GABRA3: variants seen among roughly 807,000 people sequenced by gnomAD.
GABRA3 encodes the protein gamma-aminobutyric acid type A receptor subunit alpha3.
GABRA3 carries 10 observed loss-of-function variants against 30.1 expected under a neutral mutation model. That is an observed-to-expected ratio of 0.33 (90% confidence interval 0.20 to 0.56). GABRA3 has a LOEUF of 0.56. Among genes scored for constraint, GABRA3 ranks in the 20% least tolerant of loss-of-function variants. The pLI, the probability that GABRA3 is intolerant of heterozygous loss-of-function variation, is 0.89. For missense variants in GABRA3, 233 were observed against 392.0 expected, an observed-to-expected ratio of 0.59 and a Z score of 3.42; for synonymous variants, 151 against 146.8, an observed-to-expected ratio of 1.03 and a Z score of -0.21.
chrX:152,405,668 C>T (rs944205232), intron 1 of GABRA3, among the ~76,000 whole-genome samples: 7 of 111,417 alleles, frequency 6.3e-5, no homozygotes, highest in South Asian at 3.8e-4. Context: ...ATTCCTGAGG[C>T]GCCTAATTCC....
At chrX:152,233,926 C>A (rs1472289271) in intron 5 of GABRA3, among the ~76,000 whole-genome samples, 5 of 106,248 alleles carry the variant, frequency 4.7e-5, no homozygotes, top group African/African-American at 6.9e-5. Context: ...AATCATCATT[C>A]TCAGTAAACT....
At chrX:152,399,931 T>A (rs1468844281) in intron 1 of GABRA3, among the ~76,000 whole-genome samples, 1 of 110,979 alleles carries the variant, frequency 9.0e-6, no homozygotes, top group Admixed American at 9.6e-5. Context: ...AAAGACATCA[T>A]CAGACAGACA....
intron 6 of GABRA3, among the ~76,000 whole-genome samples, chrX:152,209,420 G>A (rs912766669): frequency 9.0e-6 from 1 of 111,466 alleles, no homozygotes; most frequent in Non-Finnish European, 1.9e-5. Context: ...CTCATAAAGG[G>A]AAGCTGACCG....
chrX:152,313,356 G>T (rs531493811), intron 3 of GABRA3, among the ~76,000 whole-genome samples: 10 of 111,217 alleles, frequency 9.0e-5, no homozygotes, highest in African/African-American at 3.3e-4. Context: ...AGTTTTCTTT[G>T]CATCTTGTTG....
intron 5 of GABRA3, among the ~76,000 whole-genome samples, chrX:152,255,225 C>T (rs1451077986): frequency 4.5e-5 from 5 of 111,525 alleles, no homozygotes; most frequent in Non-Finnish European, 9.4e-5. Flanking sequence ...TTATCATCCT[C>T]AGTATCCTAA....
chrX:152,278,267 AC>A (rs1939127672), intron 4 of GABRA3, among the ~76,000 whole-genome samples: 1 of 68,123 alleles, frequency 1.5e-5, no homozygotes, highest in African/African-American at 5.6e-5. Context: ...TCTTCCCCCC[AC>A]CCCACAACAG....
intron 3 of GABRA3, among the ~76,000 whole-genome samples, chrX:152,301,700 A>AT (rs1939634399): frequency 9.1e-6 from 1 of 110,060 alleles, no homozygotes; most frequent in Non-Finnish European, 1.9e-5. Context: ...TGCCTGGCTA[A>AT]TTTTTTGCAT....
intron 5 of GABRA3, among the ~76,000 whole-genome samples, chrX:152,240,191 T>C (rs186071919): frequency 0.058 from 6,118 of 105,002 alleles, 196 homozygotes; most frequent in Non-Finnish European, 0.086. Context: ...GCAGGCCTGG[T>C]GGTGACAAAA....
intron 4 of GABRA3, among the ~76,000 whole-genome samples, chrX:152,271,013 C>G (rs7890680): frequency 0.08 from 8,542 of 106,317 alleles, 811 homozygotes; most frequent in African/African-American, 0.26. Context: ...CCAGGCTGGA[C>G]TGCAATGGTG....
chrX:152,309,505 A>G (rs992362429), intron 3 of GABRA3, among the ~76,000 whole-genome samples: 2 of 102,777 alleles, frequency 1.9e-5, no homozygotes, highest in Admixed American at 9.9e-5. Context: ...CAGCATCATA[A>G]AAGAGAAAAA....
At chrX:152,215,195 G>T (rs1937697904) in intron 6 of GABRA3, among the ~76,000 whole-genome samples, 1 of 108,718 alleles carries the variant, frequency 9.2e-6, no homozygotes, top group African/African-American at 3.3e-5. Flanking sequence ...ACCACTAGTT[G>T]TGAGAAGTGG....
chrX:152,445,800 T>A (rs1428948396), intron 1 of GABRA3, among the ~76,000 whole-genome samples: 1 of 111,739 alleles, frequency 8.9e-6, no homozygotes, highest in African/African-American at 3.3e-5. Flanking sequence ...GGAAACAGGC[T>A]CCAACAAGAC....
intron 5 of GABRA3, among the ~76,000 whole-genome samples, chrX:152,241,928 C>T (rs1290573659): frequency 5.4e-5 from 6 of 111,597 alleles, no homozygotes; most frequent in African/African-American, 1.6e-4. Context: ...TAGATAAACC[C>T]GGTACCTCAG....
intron 4 of GABRA3, among the ~76,000 whole-genome samples, chrX:152,276,323 T>C (rs1939084735): frequency 9.0e-6 from 1 of 111,586 alleles, no homozygotes; most frequent in Non-Finnish European, 1.9e-5. Context: ...TTAGATACCA[T>C]GTTATACCCA....
In GABRA3 at chrX:152,434,267, G is replaced by A. The variant is rs913335783; in HGVS notation, c.-27+16879C>T. ...AGCAGGCAGAAAAACATTAAGAAGCGAGACTAGCCTAGCCTCGCAGCCTAC... is the reference window on the plus strand; with the variant it reads ...AGCAGGCAGAAAAACATTAAGAAGCAAGACTAGCCTAGCCTCGCAGCCTAC... On this transcript the variant is annotated intron_variant, in intron 1 of 9. Coordinates refer to ENST00000370314, the MANE Select transcript of GABRA3 (RefSeq NM_000808.4). Among the ~76,000 whole-genome samples, 6 of 110,985 alleles carry A rather than the reference G, an allele frequency of 5.4e-5. 1 individual carries two copies. The highest frequency in any genetic ancestry group is 7.6e-4 in the South Asian group (2 of 2,616).
intron 3 of GABRA3, among the ~76,000 whole-genome samples, chrX:152,291,304 TG>T (rs1261233447): frequency 8.9e-6 from 1 of 111,753 alleles, no homozygotes; most frequent in Non-Finnish European, 1.9e-5. Context: ...ACTCATGATG[TG>T]GCTCTCTGTC....
At chrX:152,300,044 T>C (rs1209492891) in intron 3 of GABRA3, among the ~76,000 whole-genome samples, 1 of 112,141 alleles carries the variant, frequency 8.9e-6, no homozygotes, top group East Asian at 2.8e-4. Context: ...TTTCTGTGTT[T>C]GAGGCCCCAC....
intron 9 of GABRA3, among the ~76,000 whole-genome samples, chrX:152,183,771 G>T (rs1392278457): frequency 9.0e-6 from 1 of 111,503 alleles, no homozygotes; most frequent in Non-Finnish European, 1.9e-5. Context: ...TTTGTCTCAA[G>T]ATATTTTAAA....
chrX:152,252,167 C>T (rs965637286), intron 5 of GABRA3, among the ~76,000 whole-genome samples: 17 of 111,066 alleles, frequency 1.5e-4, no homozygotes, highest in African/African-American at 5.2e-4. Context: ...ACAAGCTTCT[C>T]GAAGGTATTT....
Sources: allele counts gnomAD v4.1 joint callset (sites outside exome capture counted in the v4.1 genomes callset), GRCh38; gene constraint gnomAD v4.1.1; transcripts MANE v1.5; gene names NCBI Gene and HGNC (gene_info 2026-07-23, HGNC 2026-07-21).